CDIN1: variants seen among roughly 807,000 people sequenced by gnomAD.
The protein encoded by CDIN1 is CDAN1 interacting nuclease 1, also known as CDAN1-interacting nuclease 1.
In CDIN1, 33 loss-of-function variants were observed where a neutral mutation model predicts 45.3. The observed-to-expected ratio is 0.73, with a 90% CI of 0.55 to 0.97. The LOEUF (loss-of-function observed/expected upper bound fraction) is 0.97, where lower values mean the gene tolerates loss of function less well. Ranked by LOEUF, CDIN1 falls within the 50% of genes least tolerant of loss-of-function variation. CDIN1 has a pLI of 0.00. For missense variants in CDIN1, 303 were observed against 339.4 expected (o/e 0.89, Z 0.84); for synonymous variants, 118 against 124.4 (o/e 0.95, Z 0.34).
intron 1 of CDIN1, among the ~76,000 whole-genome samples, chr15:36,634,296 G>A (rs1352590098): frequency 7.0e-6 from 1 of 143,568 alleles, no homozygotes; most frequent in Admixed American, 7.3e-5. Context: ...CAGGCGTGGT[G>A]GTGCATGCCT....
chr15:36,704,910 A>G (rs1231013219), intron 8 of CDIN1: 2 of 152,062 alleles, frequency 1.3e-5, no homozygotes, highest in African/African-American at 4.8e-5. Context: ...TTCTTGGTGG[A>G]CCTCATGTCC....
intron 5 of CDIN1, among the ~76,000 whole-genome samples, chr15:36,687,639 A>G (rs2042107857): frequency 6.6e-6 from 1 of 152,208 alleles, no homozygotes; most frequent in Admixed American, 6.5e-5. Flanking sequence ...GAAAGCAAGC[A>G]TTGGCAGAAT....
At chr15:36,684,249 A>G (rs1310398226) in intron 5 of CDIN1, among the ~76,000 whole-genome samples, 1 of 151,470 alleles carries the variant, frequency 6.6e-6, no homozygotes, top group Admixed American at 6.6e-5. Flanking sequence ...AATACGTCCC[A>G]TCAATACCTA....
intron 5 of CDIN1, among the ~76,000 whole-genome samples, chr15:36,675,915 C>G (rs898432640): frequency 6.6e-6 from 1 of 152,038 alleles, no homozygotes; most frequent in Non-Finnish European, 1.5e-5. Flanking sequence ...ACCTCGCCTT[C>G]GTTGCATAGG....
At chr15:36,727,085 A>T (rs1475294821) in intron 10 of CDIN1, among the ~76,000 whole-genome samples, 5 of 152,076 alleles carry the variant, frequency 3.3e-5, no homozygotes, top group Non-Finnish European at 7.4e-5. Context: ...ATATTCTATC[A>T]ATTATTTTAA....
At chr15:36,800,066 G>T (rs1258249883) in intron 10 of CDIN1, among the ~76,000 whole-genome samples, 1 of 152,068 alleles carries the variant, frequency 6.6e-6, no homozygotes, top group Non-Finnish European at 1.5e-5. Context: ...GAGTGTTGTG[G>T]TTGTATATTT....
chr15:36,614,047 C>A, intron 1 of CDIN1: 1 of 1,121,270 alleles, frequency 8.9e-7, no homozygotes, highest in Non-Finnish European at 1.3e-6. Flanking sequence ...CAAGATTCTA[C>A]TGATAAACTC....
At chr15:36,729,133 T>A (rs911240824) in intron 10 of CDIN1, among the ~76,000 whole-genome samples, 72 of 152,312 alleles carry the variant, frequency 4.7e-4, no homozygotes, top group African/African-American at 1.5e-3. Flanking sequence ...TTATAAAATT[T>A]GAGATGATAG....
At chr15:36,583,948 A>G (rs535381088) in intron 1 of CDIN1, among the ~76,000 whole-genome samples, 2 of 152,254 alleles carry the variant, frequency 1.3e-5, no homozygotes, top group Non-Finnish European at 1.5e-5. Context: ...CCTGGGAGGC[A>G]GAGCTTGCAG....
intron 10 of CDIN1, among the ~76,000 whole-genome samples, chr15:36,731,221 A>G (rs1441738177): frequency 6.6e-6 from 1 of 152,152 alleles, no homozygotes; most frequent in Admixed American, 6.5e-5. Context: ...TAATGACACA[A>G]AATGCCTCAT....
Position 36,589,567 on chromosome 15 carries a change from G to A in CDIN1, c.101+9606G>A, listed in dbSNP as rs555440925. 2.3e-3 allele frequency among the ~76,000 whole-genome samples: 349 copies of A among 151,554 alleles called. 4 individuals are homozygous for A. Among genetic ancestry groups the A allele is most frequent in the African/African-American group, 8.3e-3 (341 of 41,270 alleles). Reference sequence around the variant, plus strand: ...GCTTCCCAGGCTGGAGTGCAGTGGCGCCATCTCGGCTCACTGCAAGCTCCG... The same window carrying A: ...GCTTCCCAGGCTGGAGTGCAGTGGCACCATCTCGGCTCACTGCAAGCTCCG... On this transcript the variant is annotated intron_variant, in intron 1 of 10. Transcript: ENST00000566621.
intron 10 of CDIN1, among the ~76,000 whole-genome samples, chr15:36,760,095 A>G (rs2053718047): frequency 2.6e-5 from 4 of 152,130 alleles, no homozygotes; most frequent in Admixed American, 2.6e-4. Context: ...ATATCTATAA[A>G]TATAGCTCTA....
intron 10 of CDIN1, among the ~76,000 whole-genome samples, chr15:36,804,924 C>T (rs908103584): frequency 6.6e-6 from 1 of 151,838 alleles, no homozygotes; most frequent in African/African-American, 2.4e-5. Flanking sequence ...ATTGGCCTGC[C>T]TCAGCCTCCC....
chr15:36,584,580 A>G (rs114827828), intron 1 of CDIN1, among the ~76,000 whole-genome samples: 2,524 of 152,254 alleles, frequency 0.017, 82 homozygotes, highest in African/African-American at 0.058. Flanking sequence ...TCATTCATTT[A>G]TTCACTTATT....
intron 1 of CDIN1, among the ~76,000 whole-genome samples, chr15:36,603,475 A>G (rs922755687): frequency 1.3e-5 from 2 of 152,230 alleles, no homozygotes; most frequent in African/African-American, 4.8e-5. Context: ...ATTTTATCCT[A>G]TAGCTTACAA....
At chr15:36,617,264 A>G in intron 1 of CDIN1, 1 of 994,670 alleles carries the variant, frequency 1.0e-6, no homozygotes, top group African/African-American at 1.6e-5. Context: ...GTTAATGCAG[A>G]GCTCTCAGAA....
chr15:36,641,244 A>G (rs2040092388), intron 1 of CDIN1: 1 of 152,202 alleles, frequency 6.6e-6, no homozygotes, highest in African/African-American at 2.4e-5. Context: ...AGACATGTAT[A>G]ATTACACAGA....
intron 5 of CDIN1, among the ~76,000 whole-genome samples, chr15:36,671,981 T>G (rs938578327): frequency 3.9e-5 from 6 of 152,118 alleles, no homozygotes; most frequent in African/African-American, 1.4e-4. Flanking sequence ...TTTTATGGAT[T>G]TTGATGTTTT....
At chr15:36,722,285 AG>A (rs1466887650) in intron 10 of CDIN1, among the ~76,000 whole-genome samples, 8 of 140,762 alleles carry the variant, frequency 5.7e-5, no homozygotes, top group African/African-American at 2.2e-4. Flanking sequence ...GCAGTCCTTC[AG>A]GTTACTTTCT....
Sources: gnomAD v4.1 joint callset for allele counts (sites outside exome capture counted in the v4.1 genomes callset) on GRCh38, gnomAD v4.1.1 for gene constraint, MANE v1.5 for transcripts, NCBI Gene and HGNC (gene_info 2026-07-23, HGNC 2026-07-21) for gene names.